TMTC2: variants seen among roughly 807,000 people sequenced by gnomAD.
The protein encoded by TMTC2 is transmembrane O-mannosyltransferase targeting cadherins 2.
TMTC2 carries 43 observed loss-of-function variants against 82.4 expected under a neutral mutation model. The ratio of observed to expected loss-of-function variants is 0.52; its 90% CI spans 0.41 to 0.67. TMTC2 has a LOEUF of 0.67. TMTC2 is among the 30% of genes least tolerant of loss of function. The pLI is 0.00. For missense variants in TMTC2, 919 were observed against 1,012.4 expected (o/e 0.91, Z 1.25); for synonymous variants, 408 against 381.9 (o/e 1.07, Z -0.80).
intron 11 of TMTC2, among the ~76,000 whole-genome samples, chr12:83,108,029 T>C (rs1369955265): frequency 6.6e-6 from 1 of 152,112 alleles, no homozygotes. Context: ...CCTTCTGCTC[T>C]GGCCATGTAA....
intron 8 of TMTC2, among the ~76,000 whole-genome samples, chr12:83,004,071 T>G (rs1880042442): frequency 1.3e-5 from 2 of 152,194 alleles, no homozygotes; most frequent in African/African-American, 4.8e-5. Context: ...ATTTTTCTTA[T>G]TCTTTATTCT....
At chr12:83,106,500 CAAAA>C (rs769681273) in intron 11 of TMTC2, among the ~76,000 whole-genome samples, 1 of 58,588 alleles carries the variant, frequency 1.7e-5, no homozygotes. Flanking sequence ...ACTCTGTCTC[CAAAA>C]AAAAAAAAAA....
At chr12:83,029,375 T>G (rs1349006421) in intron 8 of TMTC2, among the ~76,000 whole-genome samples, 2 of 152,186 alleles carry the variant, frequency 1.3e-5, no homozygotes, top group African/African-American at 4.8e-5. Flanking sequence ...ATTTTATGTC[T>G]GGCCCAAGAC....
At chr12:83,064,751 C>T (rs12815690) in intron 11 of TMTC2, among the ~76,000 whole-genome samples, 44,506 of 151,698 alleles carry the variant, frequency 0.29, 7,585 homozygotes, top group South Asian at 0.41. Context: ...AAACAATAAC[C>T]GTGTAATGAT....
rs186004292 is a variant in TMTC2, at chr12:82,728,461, C to G, written c.83+40792C>G. The stretch of plus-strand genomic sequence containing the variant: ...CCAGGCTGGGCGCGGTGGCTCACTC[C>G]TGTAATCCCACCACTTTGGGAGGCC... On this transcript the variant is annotated intron_variant, in intron 1 of 11. Coordinates refer to ENST00000321196, the MANE Select transcript of TMTC2 (RefSeq NM_152588.3). 5.9e-3 allele frequency among the ~76,000 whole-genome samples: 892 copies of G among 152,192 alleles called. 10 individuals are homozygous for G. Among genetic ancestry groups the G allele is most frequent in the African/African-American group, 0.02 (840 of 41,528 alleles).
At chr12:82,940,961 A>C (rs1480739945) in intron 4 of TMTC2, among the ~76,000 whole-genome samples, 1 of 152,090 alleles carries the variant, frequency 6.6e-6, no homozygotes, top group Admixed American at 6.6e-5. Context: ...CCAGATTATA[A>C]AGAGCCAAGT....
intron 1 of TMTC2, among the ~76,000 whole-genome samples, chr12:82,834,881 A>AT (rs10656983): frequency 0.055 from 8,215 of 150,276 alleles, 761 homozygotes; most frequent in African/African-American, 0.19. Context: ...TCATCATTTT[A>AT]TTATTTTTTT....
Position 83,004,612 on chromosome 12 carries a change from T to C in TMTC2, c.2070+18566T>C, listed in dbSNP as rs543732210. 1.2e-4 allele frequency among the ~76,000 whole-genome samples: 19 copies of C among 152,116 alleles called. No homozygotes were observed. In the South Asian group the frequency reaches 3.7e-3, roughly 30 times the overall value. ...GGTTTGACTGTGAGATATGTATCTA[T>C]TCATTTGGCTTCAATTCTGGGTCCT... On this transcript the variant is annotated intron_variant, in intron 8 of 11. Coordinates refer to ENST00000321196, the MANE Select transcript of TMTC2 (RefSeq NM_152588.3).
At chr12:83,050,266 A>G (rs1882295660) in intron 9 of TMTC2, among the ~76,000 whole-genome samples, 1 of 152,166 alleles carries the variant, frequency 6.6e-6, no homozygotes, top group Non-Finnish European at 1.5e-5. Context: ...TATTTATGGC[A>G]TTAAAATTGG....
At chr12:83,056,438 T>G (rs1341995102) in intron 10 of TMTC2, among the ~76,000 whole-genome samples, 1 of 152,014 alleles carries the variant, frequency 6.6e-6, no homozygotes, top group Non-Finnish European at 1.5e-5. Flanking sequence ...ATCATTATCT[T>G]TTAATTTTTA....
At chr12:82,869,636 C>T (rs778807812) in intron 2 of TMTC2, among the ~76,000 whole-genome samples, 22 of 151,920 alleles carry the variant, frequency 1.4e-4, no homozygotes, top group Non-Finnish European at 1.8e-4. Flanking sequence ...GCCAGGAGTT[C>T]GAGACCAGCC....
intron 11 of TMTC2, among the ~76,000 whole-genome samples, chr12:83,130,474 C>G (rs1008925162): frequency 2.0e-5 from 3 of 152,088 alleles, no homozygotes; most frequent in Non-Finnish European, 4.4e-5. Flanking sequence ...TGGAGTCATC[C>G]TGACCAAAAA....
chr12:82,877,899 A>G (rs1872657482), intron 2 of TMTC2, among the ~76,000 whole-genome samples: 1 of 152,228 alleles, frequency 6.6e-6, no homozygotes, highest in African/African-American at 2.4e-5. Context: ...TGTAAGTTAA[A>G]GAAATGGAGA....
intron 10 of TMTC2, among the ~76,000 whole-genome samples, chr12:83,055,333 T>A (rs1882498635): frequency 6.6e-6 from 1 of 152,030 alleles, no homozygotes; most frequent in African/African-American, 2.4e-5. Flanking sequence ...GGGAAGATGA[T>A]CACAGATGTT....
chr12:82,764,097 G>A (rs11832336), intron 1 of TMTC2, among the ~76,000 whole-genome samples: 2,349 of 152,240 alleles, frequency 0.015, 60 homozygotes, highest in African/African-American at 0.054. Flanking sequence ...ATATGGGAAA[G>A]CAGAAAACAT....
chr12:82,937,734 G>GGA (rs1204044071), intron 4 of TMTC2, among the ~76,000 whole-genome samples: 367 of 24,130 alleles, frequency 0.015, 6 homozygotes, highest in African/African-American at 0.042. Context: ...GTGTGGATGT[G>GGA]TGTGTGTGTG....
intron 11 of TMTC2, among the ~76,000 whole-genome samples, chr12:83,095,241 TG>T (rs1174331073): frequency 1.4e-4 from 18 of 133,184 alleles, no homozygotes; most frequent in East Asian, 9.8e-4. Flanking sequence ...TTTTTTTTTT[TG>T]TTTTTTTTGT....
intron 2 of TMTC2, among the ~76,000 whole-genome samples, chr12:82,872,490 T>C (rs557421497): frequency 6.6e-6 from 1 of 152,186 alleles, no homozygotes; most frequent in Non-Finnish European, 1.5e-5. Flanking sequence ...GCTGCATCAT[T>C]GCTAATCAAC....
chr12:82,826,915 A>C (rs1382766873), intron 1 of TMTC2, among the ~76,000 whole-genome samples: 2 of 152,210 alleles, frequency 1.3e-5, no homozygotes, highest in Non-Finnish European at 2.9e-5. Flanking sequence ...TTAGATCAAC[A>C]CATTAAATCA....
Sources: gnomAD v4.1 joint callset for allele counts (sites outside exome capture counted in the v4.1 genomes callset) on GRCh38, gnomAD v4.1.1 for gene constraint, MANE v1.5 for transcripts, NCBI Gene and HGNC (gene_info 2026-07-23, HGNC 2026-07-21) for gene names.